Variants in MECOM observed in about 807,000 individuals in gnomAD.
MECOM encodes the protein histone-lysine N-methyltransferase MECOM.
MECOM carries 13 observed loss-of-function variants against 116.3 expected under a neutral mutation model. That is an observed-to-expected ratio of 0.11 (90% CI 0.07 to 0.18). MECOM has a LOEUF of 0.18. Ranked by LOEUF, MECOM falls within the 10% of genes least tolerant of loss-of-function variation. The pLI, the probability that MECOM is intolerant of heterozygous loss-of-function variation, is 1.00. For synonymous variants in MECOM, 528 were observed against 535.2 expected, an observed-to-expected ratio of 0.99 and a Z score of 0.19; for missense variants, 1,299 against 1,509.0, an observed-to-expected ratio of 0.86 and a Z score of 2.31.
chr3:169,403,626 C>T (rs1002219558), intron 1 of MECOM, among the ~76,000 whole-genome samples: 13 of 152,134 alleles, frequency 8.5e-5, no homozygotes, highest in East Asian at 1.9e-4. Context: ...GACTTATTTG[C>T]ACCATCGAAA....
At chr3:169,472,177 CAACT>C (rs1560316693) in intron 1 of MECOM, among the ~76,000 whole-genome samples, 1 of 151,408 alleles carries the variant, frequency 6.6e-6, no homozygotes, top group East Asian at 1.9e-4. Context: ...ATATACACAC[CAACT>C]GTGTACCAAC....
At chr3:169,648,002 A>G (rs1037690134) in intron 1 of MECOM, among the ~76,000 whole-genome samples, 1 of 152,214 alleles carries the variant, frequency 6.6e-6, no homozygotes, top group African/African-American at 2.4e-5. Flanking sequence ...CCTAAGAAAA[A>G]AAACAAGTCC....
At chr3:169,146,672 C>CT (rs1231545898) in intron 2 of MECOM, 1 of 1,329,536 alleles carries the variant, frequency 7.5e-7, no homozygotes, top group Non-Finnish European at 9.9e-7. Context: ...AAGTGACAAA[C>CT]TTTCACATCG....
At chr3:169,338,110 A>T (rs1723875158) in intron 2 of MECOM, among the ~76,000 whole-genome samples, 1 of 152,144 alleles carries the variant, frequency 6.6e-6, no homozygotes, top group South Asian at 2.1e-4. Context: ...AGCTACACTG[A>T]ACTACTTGAT....
At chr3:169,137,221 T>C (rs1042551978) in intron 3 of MECOM, among the ~76,000 whole-genome samples, 1 of 152,106 alleles carries the variant, frequency 6.6e-6, no homozygotes, top group African/African-American at 2.4e-5. Context: ...GTTTGCATGT[T>C]TGAACAAAGT....
chr3:169,659,153 A>G (rs1006717388), intron 1 of MECOM, among the ~76,000 whole-genome samples: 3 of 151,796 alleles, frequency 2.0e-5, no homozygotes, highest in Non-Finnish European at 4.4e-5. Flanking sequence ...CTAGTCCTAC[A>G]TGTTGAATGT....
chr3:169,169,509 A>C (rs920911136), intron 2 of MECOM, among the ~76,000 whole-genome samples: 8 of 152,160 alleles, frequency 5.3e-5, no homozygotes, highest in Non-Finnish European at 7.4e-5. Context: ...CTCTCATATT[A>C]CTAAATGTTT....
chr3:169,191,697 TAGAAAAGAAAGAAAGAA>T (rs1747576523), intron 2 of MECOM, among the ~76,000 whole-genome samples: 1 of 68,208 alleles, frequency 1.5e-5, no homozygotes, highest in African/African-American at 6.6e-5. Context: ...GAAAAAGAGA[TAGAAAAGAAAGAAAGAA>T]AGAAAAAAAG....
chr3:169,462,363 G>GT (rs1357545835), intron 1 of MECOM, among the ~76,000 whole-genome samples: 1 of 152,176 alleles, frequency 6.6e-6, no homozygotes, highest in African/African-American at 2.4e-5. Flanking sequence ...ACAGCCAGAT[G>GT]TTTTTACTTA....
chr3:169,583,308 T>C (rs1473915799), intron 1 of MECOM, among the ~76,000 whole-genome samples: 1 of 152,216 alleles, frequency 6.6e-6, no homozygotes, highest in Non-Finnish European at 1.5e-5. Context: ...ATTCTACTTA[T>C]ATCCCTCGAT....
At chr3:169,453,423 T>C (rs192590539) in intron 1 of MECOM, among the ~76,000 whole-genome samples, 1 of 152,336 alleles carries the variant, frequency 6.6e-6, no homozygotes, top group East Asian at 1.9e-4. Context: ...ACTGGGCTCC[T>C]AGCCACAATG....
intron 2 of MECOM, among the ~76,000 whole-genome samples, chr3:169,155,275 G>C (rs985730167): frequency 2.0e-5 from 3 of 152,114 alleles, no homozygotes; most frequent in African/African-American, 4.8e-5. Context: ...TGCCTCTCCA[G>C]ATAGCACAAT....
At chr3:169,255,922 C>T (rs978371588) in intron 2 of MECOM, among the ~76,000 whole-genome samples, 2 of 151,958 alleles carry the variant, frequency 1.3e-5, no homozygotes, top group Admixed American at 1.3e-4. Flanking sequence ...TTATGAATGG[C>T]TTCAAGTTAT....
intron 1 of MECOM, among the ~76,000 whole-genome samples, chr3:169,513,525 T>A (rs985465138): frequency 6.6e-6 from 1 of 152,242 alleles, no homozygotes; most frequent in African/African-American, 2.4e-5. Context: ...TGTGTCCTTT[T>A]TGTGTCTGCC....
chr3:169,587,779 AC>A (rs1412153011), intron 1 of MECOM, among the ~76,000 whole-genome samples: 2 of 152,164 alleles, frequency 1.3e-5, no homozygotes, highest in Non-Finnish European at 2.9e-5. Context: ...GCTTCATGGA[AC>A]AAAGAGTTTC....
chr3:169,485,939 A>ATATACTATATG (rs1578236586), intron 1 of MECOM, among the ~76,000 whole-genome samples: 2 of 68,312 alleles, frequency 2.9e-5, no homozygotes, highest in Non-Finnish European at 2.6e-5. Flanking sequence ...TATAGTATAT[A>ATATACTATATG]TGTATGTATA....
chr3:169,168,337 C>CTTTTTTTTTTTTTTTTTTT (rs1166736467), intron 2 of MECOM, among the ~76,000 whole-genome samples: 1 of 108,464 alleles, frequency 9.2e-6, no homozygotes, highest in Non-Finnish European at 1.9e-5. Flanking sequence ...ACTTGGCCTG[C>CTTTTTTTTTTTTTTTTTTT]TTTTTTTTTT....
At chr3:169,387,330 G>A (rs1353121124) in intron 1 of MECOM, among the ~76,000 whole-genome samples, 1 of 152,216 alleles carries the variant, frequency 6.6e-6, no homozygotes, top group South Asian at 2.1e-4. Flanking sequence ...CATTTCACTC[G>A]TAATTCTTCG....
chr3:169,347,620 A>G (rs2149800558), intron 2 of MECOM, among the ~76,000 whole-genome samples: 1 of 152,194 alleles, frequency 6.6e-6, no homozygotes, highest in South Asian at 2.1e-4. Context: ...AAAGATATCT[A>G]CAAGAGAAGT....
Sources: gnomAD v4.1 joint callset for allele counts (sites outside exome capture counted in the v4.1 genomes callset) on GRCh38, gnomAD v4.1.1 for gene constraint, MANE v1.5 for transcripts, NCBI Gene and HGNC (gene_info 2026-07-23, HGNC 2026-07-21) for gene names.